SLC28A3: variants seen among roughly 807,000 people sequenced by gnomAD.
SLC28A3 encodes solute carrier family 28 member 3.
In SLC28A3, 68 loss-of-function variants were observed where a neutral mutation model predicts 84.2. That is an observed-to-expected ratio of 0.81 (90% CI 0.66 to 0.99). The LOEUF is 0.99. Ranked by LOEUF, SLC28A3 falls within the 50% of genes least tolerant of loss-of-function variation. The pLI is 0.00. For synonymous variants in SLC28A3, 267 were observed against 303.6 expected (o/e 0.88, Z 1.25); for missense variants, 712 against 841.5 (o/e 0.85, Z 1.90).
rs766247977 is a variant in SLC28A3 at position 84,292,962 on chromosome 9, G to A, written c.943-214C>T. Among the ~76,000 whole-genome samples the A allele has an allele frequency of 3.9e-5, 6 of 152,322 alleles. No homozygotes were observed. In the East Asian group the frequency reaches 1.2e-3, roughly 29 times the overall value. On this transcript the variant is annotated intron_variant, in intron 9 of 17. Transcript: ENST00000376238. ...TGGAGTAGTAAGTCTGAGTCATTGC[G>A]TATACTTTGAACATTATACAAATCA...
rs7043492 is a variant in SLC28A3 at position 84,290,181 on chromosome 9, G to A, written c.1122C>T (p.Ser374=). The A allele has an allele frequency of 2.1e-3, 3,339 of 1,614,086 alleles. 57 individuals are homozygous for A. The African/African-American group carries it at 0.039, about 19-fold the overall frequency. The change falls in exon 11 of 18, where the codon AGC becomes AGT. Residue 374 remains serine, a synonymous_variant. Coordinates refer to ENST00000376238, the MANE Select transcript of SLC28A3 (RefSeq NM_001199633.2). ...MTAGFSTIAG[S]VLGAYISFGV... ...CAAAAGAAATGTATGCACCTAGCAC[G>A]CTTCCAGCAATGGTAGAGAACCCGG...
intron 14 of SLC28A3, among the ~76,000 whole-genome samples, chr9:84,281,947 G>A (rs1386437750): frequency 6.6e-6 from 1 of 151,986 alleles, no homozygotes; most frequent in East Asian, 1.9e-4. Flanking sequence ...CCAACATGGT[G>A]AAACACTGCC....
the SLC28A3 span, among the ~76,000 whole-genome samples, chr9:84,354,930 T>C: frequency 6.6e-6 from 1 of 152,240 alleles, no homozygotes; most frequent in East Asian, 1.9e-4. Flanking sequence ...AATAAGCATT[T>C]ATATTGTTCA....
chr9:84,312,920 C>T (rs1460252953), intron 2 of SLC28A3, among the ~76,000 whole-genome samples: 1 of 152,202 alleles, frequency 6.6e-6, no homozygotes, highest in Non-Finnish European at 1.5e-5. Context: ...AAATAAACTC[C>T]TGTCCAGAAT....
upstream of SLC28A3, among the ~76,000 whole-genome samples, chr9:84,345,323 C>T (rs1030713663): frequency 6.6e-6 from 1 of 151,920 alleles, no homozygotes; most frequent in African/African-American, 2.4e-5. Flanking sequence ...CTTGAGAAAT[C>T]GTTAGTTGGA....
intron 7 of SLC28A3, 109 bp from the exon 8 acceptor site, chr9:84,297,407 T>C (rs1324922231): frequency 1.2e-6 from 1 of 806,960 alleles, no homozygotes; most frequent in Non-Finnish European, 2.0e-6. Context: ...ATGTGTTGGA[T>C]AGACTTGGAA....
At chr9:84,368,540 G>A in the SLC28A3 span, among the ~76,000 whole-genome samples, 1 of 152,054 alleles carries the variant, frequency 6.6e-6, no homozygotes, top group Non-Finnish European at 1.5e-5. Context: ...TTCCTTCAAG[G>A]TGGCAGGTTC....
intron 4 of SLC28A3, 88 bp downstream of exon 4, chr9:84,305,165 CT>C (rs1485650897): frequency 7.1e-6 from 8 of 1,125,460 alleles, no homozygotes; most frequent in Middle Eastern, 2.3e-4. Flanking sequence ...AAGGTTTAAT[CT>C]TTTTCCACAT....
At chr9:84,352,342 C>T in the SLC28A3 span, among the ~76,000 whole-genome samples, 1 of 151,976 alleles carries the variant, frequency 6.6e-6, no homozygotes, top group Non-Finnish European at 1.5e-5. Flanking sequence ...CGCCATCACA[C>T]CTGGCTAATT....
rs1029476248 is a variant in SLC28A3 at position 84,280,855 on chromosome 9, C to T, written c.1675G>A (p.Ala559Thr). The T allele has an allele frequency of 8.7e-6, 14 of 1,613,916 alleles. No individual in the cohort carries two copies. The highest frequency in any genetic ancestry group is 4.5e-5 in the East Asian group (2 of 44,888). The change falls in exon 15 of 18, where the codon GCT becomes ACT. Residue 559 changes from alanine (A) to threonine (T), a missense_variant. Ala to Thr is a moderately conservative substitution (Grantham distance 58). Transcript: ENST00000376238. ...SIRSEIIATY[A>T]LCGFANIGSL... ...CCGATATTGGCAAAACCACAGAGAG[C>T]GTAAGTGGCGATTATCTCAGAACGA...
rs762860714 is a variant in SLC28A3 at position 84,286,031 on chromosome 9, A to G, written c.1361T>C (p.Leu454Pro). The G allele has an allele frequency of 6.2e-7, 1 of 1,614,194 alleles. No homozygotes were observed. The highest frequency in any genetic ancestry group is 2.2e-5 in the East Asian group (1 of 44,890). ...ISLVANIAVN[L>P]IAFLALLSFM... The stretch of plus-strand genomic sequence containing the variant: ...AGACAGCAGGGCCAGGAAGGCAATC[A>G]GATTCACAGCGATGTTGGCCACCAG... The change falls in exon 13 of 18, where the codon CTG (leucine) becomes CCG (proline). Residue 454 changes from leucine to proline, a missense_variant. Coordinates refer to ENST00000376238, the MANE Select transcript of SLC28A3 (RefSeq NM_001199633.2).
chr9:84,347,740 T>C, the SLC28A3 span, among the ~76,000 whole-genome samples: 5 of 152,208 alleles, frequency 3.3e-5, no homozygotes, highest in East Asian at 1.9e-4. Flanking sequence ...CAGAAATGAA[T>C]GCATAGAACT....
intron 3 of SLC28A3, among the ~76,000 whole-genome samples, chr9:84,308,756 A>G (rs568227818): frequency 6.6e-6 from 1 of 152,346 alleles, no homozygotes; most frequent in Non-Finnish European, 1.5e-5. Flanking sequence ...ACTAGGAATC[A>G]GAAGCTGAAA....
At chr9:84,343,961 C>T (rs556271479), upstream of SLC28A3, among the ~76,000 whole-genome samples, 7 of 152,180 alleles carry the variant, frequency 4.6e-5, no homozygotes, top group South Asian at 6.2e-4. Context: ...TGTGGTGGTA[C>T]GTGCCTGTAG....
chr9:84,279,215 TGA>T, intron 17 of SLC28A3, 48 bp downstream of exon 17: 12 of 1,338,556 alleles, frequency 9.0e-6, no homozygotes, highest in South Asian at 1.7e-5. Context: ...AGGTGTGATT[TGA>T]TTGATTATTA....
At chr9:84,334,623 A>G (rs1489799318) in intron 1 of SLC28A3, among the ~76,000 whole-genome samples, 1 of 118,822 alleles carries the variant, frequency 8.4e-6, no homozygotes, top group Non-Finnish European at 2.0e-5. Flanking sequence ...TGTATTTCAC[A>G]ACGAATTTTT....
chr9:84,321,214 A>T (rs573696531), intron 1 of SLC28A3, among the ~76,000 whole-genome samples: 2 of 152,244 alleles, frequency 1.3e-5, no homozygotes, highest in Admixed American at 6.5e-5. Flanking sequence ...ATATAATCTC[A>T]TTGAATCTAT....
chr9:84,350,752 C>A, the SLC28A3 span, among the ~76,000 whole-genome samples: 4 of 152,162 alleles, frequency 2.6e-5, no homozygotes, highest in Non-Finnish European at 5.9e-5. Flanking sequence ...TGCTCTGTCA[C>A]CCAGGCTGGA....
chr9:84,287,287 A>G (rs1825029635), intron 12 of SLC28A3, among the ~76,000 whole-genome samples: 1 of 152,164 alleles, frequency 6.6e-6, no homozygotes, highest in African/African-American at 2.4e-5. Flanking sequence ...ATCTACATAC[A>G]AGTATGGGTG....
Sources: gnomAD v4.1 joint callset for allele counts (sites outside exome capture counted in the v4.1 genomes callset) on GRCh38, gnomAD v4.1.1 for gene constraint, MANE v1.5 for transcripts, NCBI Gene and HGNC (gene_info 2026-07-23, HGNC 2026-07-21) for gene names.